EPHA4: variants seen among roughly 807,000 people sequenced by gnomAD.
EPHA4 encodes ephrin type-A receptor 4.
Under a neutral mutation model 108.3 loss-of-function variants are expected in EPHA4, and 19 were observed. The observed-to-expected ratio is 0.18, with a 90% CI of 0.12 to 0.26. The LOEUF (loss-of-function observed/expected upper bound fraction) is 0.26. Ranked by LOEUF, EPHA4 falls within the 10% of genes least tolerant of loss-of-function variation. The probability of loss-of-function intolerance (pLI) is 1.00; values close to 1 mark genes in which losing one functional copy is unlikely to be tolerated. For synonymous variants in EPHA4, 449 were observed against 455.5 expected (o/e 0.99, Z 0.18); for missense variants, 917 against 1,254.0 (o/e 0.73, Z 4.06).
At chr2:221,527,862 C>T (rs1255217393) in intron 3 of EPHA4, among the ~76,000 whole-genome samples, 1 of 152,148 alleles carries the variant, frequency 6.6e-6, no homozygotes, top group Non-Finnish European at 1.5e-5. Context: ...AGGGTGGAGT[C>T]CAAGGCAATC....
rs1694835399 is a variant in EPHA4 at position 221,571,439 on chromosome 2, C to T, written c.91+719G>A. 6.6e-6 allele frequency among the ~76,000 whole-genome samples: 1 copy of T among 152,114 alleles called. No homozygotes were observed. On this transcript the variant is annotated intron_variant, in intron 1 of 17. Coordinates refer to ENST00000281821, the MANE Select transcript of EPHA4 (RefSeq NM_004438.5). This position sits in a 1 kb window ranked among gnomAD's most constrained non-coding sequence, Gnocchi z 6.3. ...GGGTCCCGTCGACCCCGCACGTTAG[C>T]TCTAAACTGTGTGCAATTCTGGGGC...
chr2:221,445,119 TATAA>T (rs1218285180), intron 9 of EPHA4, among the ~76,000 whole-genome samples: 1 of 152,172 alleles, frequency 6.6e-6, no homozygotes, highest in African/African-American at 2.4e-5. Context: ...GCTATCTAAA[TATAA>T]ATAAGTTAAA....
At chr2:221,521,760 A>C (rs1167932080) in intron 3 of EPHA4, among the ~76,000 whole-genome samples, 1 of 152,206 alleles carries the variant, frequency 6.6e-6, no homozygotes, top group East Asian at 1.9e-4. Context: ...AGATCACCTA[A>C]GATCAAGAGT....
chr2:221,520,568 G>T (rs952938559), intron 3 of EPHA4, among the ~76,000 whole-genome samples: 6 of 151,058 alleles, frequency 4.0e-5, no homozygotes, highest in Non-Finnish European at 5.9e-5. Flanking sequence ...AGAGCAAGAG[G>T]GGGGAGAGAG....
At position 221,456,790 on chromosome 2, in the gene EPHA4, A is replaced by G. The variant is rs752917005; in HGVS notation, c.1444-18T>C. 6.2e-6 allele frequency: 10 copies of G among 1,611,066 alleles called. No individual in the cohort carries two copies. Among genetic ancestry groups the G allele is most frequent in the African/African-American group, 1.3e-5 (1 of 74,852 alleles). On this transcript the variant is annotated intron_variant, in intron 6 of 17. Transcript: ENST00000281821. The stretch of plus-strand genomic sequence containing the variant: ...TTCTGATCCTACATCATGGCAAGAT[A>G]AAATTGGGGAAGGTGGCAAAATAAA...
At position 221,482,696 on chromosome 2, in the gene EPHA4, G is replaced by A. The variant is rs775980647; in HGVS notation, c.980-6C>T. The A allele has an allele frequency of 6.3e-7, 1 of 1,582,756 alleles. No homozygotes were observed. The highest frequency in any genetic ancestry group is 1.7e-5 in the Admixed American group (1 of 58,246). ...CAGGGGAGCAGATGGTGGACCTGGA[G>A]AAAGAAAACCACATCATCACACCAA... On this transcript the variant is annotated splice_polypyrimidine_tract_variant and splice_region_variant and intron_variant, in intron 4 of 17. Transcript: ENST00000281821.
At chr2:221,461,504 C>T (rs943778816) in intron 5 of EPHA4, among the ~76,000 whole-genome samples, 1 of 151,854 alleles carries the variant, frequency 6.6e-6, no homozygotes, top group Non-Finnish European at 1.5e-5. Flanking sequence ...CATAAAAAGA[C>T]CAAGTGGAAA....
intron 4 of EPHA4, among the ~76,000 whole-genome samples, chr2:221,489,574 C>T (rs1334772275): frequency 2.6e-5 from 4 of 152,132 alleles, no homozygotes; most frequent in Admixed American, 2.6e-4. Context: ...TCCTCCCTTT[C>T]CCTGTCCCAA....
At chr2:221,545,711 A>T (rs1574650215) in intron 3 of EPHA4, among the ~76,000 whole-genome samples, 2 of 152,148 alleles carry the variant, frequency 1.3e-5, no homozygotes, top group East Asian at 1.9e-4. Context: ...TTTCCCTGTC[A>T]CTCATCCCCT....
intron 8 of EPHA4, among the ~76,000 whole-genome samples, chr2:221,452,187 G>A (rs1413623063): frequency 1.3e-5 from 2 of 152,164 alleles, no homozygotes; most frequent in Admixed American, 6.5e-5. Flanking sequence ...TCAGTTCAAG[G>A]GGACCCCCAT....
chr2:221,536,868 A>T (rs1240704165), intron 3 of EPHA4, among the ~76,000 whole-genome samples: 1 of 152,338 alleles, frequency 6.6e-6, no homozygotes, highest in South Asian at 2.1e-4. Context: ...CTCATCTATG[A>T]AAAGAGGATA....
chr2:221,438,829 G>A (rs1280365243), intron 11 of EPHA4, among the ~76,000 whole-genome samples: 1 of 152,002 alleles, frequency 6.6e-6, no homozygotes, highest in Non-Finnish European at 1.5e-5. Flanking sequence ...TGCTGCATTG[G>A]CTGATTATTT....
At chr2:221,435,902 T>C (rs1455073394) in intron 13 of EPHA4, among the ~76,000 whole-genome samples, 1 of 106,446 alleles carries the variant, frequency 9.4e-6, no homozygotes, top group African/African-American at 3.5e-5. Flanking sequence ...TTTTAAAGAA[T>C]AGAAAAAAGG....
At chr2:221,570,309 T>A (rs1386798794) in intron 1 of EPHA4, among the ~76,000 whole-genome samples, 5 of 56,072 alleles carry the variant, frequency 8.9e-5, no homozygotes, top group African/African-American at 4.1e-4. Flanking sequence ...GGCTCCCAAG[T>A]TTTTCTCCCC....
chr2:221,461,129 G>A (rs1430219), intron 5 of EPHA4, among the ~76,000 whole-genome samples: 122,389 of 152,200 alleles, frequency 0.8, 49,450 homozygotes, highest in African/African-American at 0.89. Context: ...ATGGGCACCC[G>A]CTTGAGATTC....
chr2:221,553,608 AT>A (rs1280677676), intron 3 of EPHA4, among the ~76,000 whole-genome samples: 1 of 152,224 alleles, frequency 6.6e-6, no homozygotes, highest in Non-Finnish European at 1.5e-5. Context: ...TTACAGAAAC[AT>A]TTGGCTTGGG....
intron 4 of EPHA4, among the ~76,000 whole-genome samples, chr2:221,499,736 ATATATATATATATATATATATTT>A (rs1173803180): frequency 2.0e-5 from 1 of 49,536 alleles, no homozygotes; most frequent in Admixed American, 2.1e-4. Context: ...ATATATATAT[ATATATATATATATATATATATTT>A]TTTTTTTTTT....
intron 8 of EPHA4, among the ~76,000 whole-genome samples, chr2:221,446,426 G>A (rs2106109123): frequency 6.6e-6 from 1 of 151,978 alleles, no homozygotes; most frequent in South Asian, 2.1e-4. Flanking sequence ...CTTACAATAG[G>A]TTAAAGCAAA....
intron 3 of EPHA4, among the ~76,000 whole-genome samples, chr2:221,545,709 T>C (rs1276659945): frequency 6.6e-6 from 1 of 152,166 alleles, no homozygotes; most frequent in African/African-American, 2.4e-5. Flanking sequence ...GCTTTCCCTG[T>C]CACTCATCCC....
Sources: allele counts gnomAD v4.1 joint callset (sites outside exome capture counted in the v4.1 genomes callset), GRCh38; gene constraint gnomAD v4.1.1; non-coding constraint Gnocchi (gnomAD v3.1); transcripts MANE v1.5; gene names NCBI Gene and HGNC (gene_info 2026-07-23, HGNC 2026-07-21).